VAV1: variants seen among roughly 807,000 people sequenced by gnomAD.
The protein encoded by VAV1 is vav guanine nucleotide exchange factor 1.
In VAV1, 33 loss-of-function variants were observed where a neutral mutation model predicts 128.1. The ratio of observed to expected loss-of-function variants is 0.26; its 90% CI spans 0.20 to 0.34. VAV1 has a LOEUF of 0.34. VAV1 is among the 10% of genes least tolerant of loss of function. The pLI, the probability that VAV1 is intolerant of heterozygous loss-of-function variation, is 1.00. For missense variants in VAV1, 715 were observed against 1,093.7 expected, an observed-to-expected ratio of 0.65 and a Z score of 4.88; for synonymous variants, 394 against 409.8, an observed-to-expected ratio of 0.96 and a Z score of 0.47.
chr19:6,814,644 C>G (rs1007845971), intron 1 of VAV1, among the ~76,000 whole-genome samples: 3 of 56,870 alleles, frequency 5.3e-5, no homozygotes, highest in African/African-American at 1.4e-4. Context: ...TCTCTCCTTC[C>G]TTCCTTCCTT....
chr19:6,785,037 C>T (rs6510921), intron 1 of VAV1, among the ~76,000 whole-genome samples: 10,536 of 152,252 alleles, frequency 0.069, 752 homozygotes, highest in African/African-American at 0.18. Context: ...CTCTCTGCAC[C>T]GCAGCCAAAT....
Position 6,826,526 on chromosome 19 carries a change from G to T in VAV1, c.828-86G>T. 1.0e-6 allele frequency: 1 copy of T among 979,672 alleles called. No homozygotes were observed. Among genetic ancestry groups the T allele is most frequent in the South Asian group, 1.4e-5 (1 of 72,688 alleles). 60.7% of individuals were successfully genotyped at this position (979,672 alleles called of 1,614,324 possible). On this transcript the variant is annotated intron_variant, in intron 8 of 26. Coordinates refer to ENST00000602142, the MANE Select transcript of VAV1 (RefSeq NM_005428.4). The surrounding 1 kb of genome is among the most constrained non-coding windows in gnomAD (Gnocchi z 4.1). ...GGGACTCAGGTTTCTTCTCCAGCGGGGAAGAGCAAGGCCAGGGCTGACGCC... is the reference window on the plus strand; with the variant it reads ...GGGACTCAGGTTTCTTCTCCAGCGGTGAAGAGCAAGGCCAGGGCTGACGCC...
At chr19:6,784,216 C>T (rs76873911) in intron 1 of VAV1, 24,665 of 652,886 alleles carry the variant, frequency 0.038, 1,135 homozygotes, top group African/African-American at 0.17. Flanking sequence ...ATTGTGCTAC[C>T]ACTGTACTCC....
intron 8 of VAV1, among the ~76,000 whole-genome samples, chr19:6,825,883 T>A (rs1290929262): frequency 1.3e-5 from 2 of 150,456 alleles, no homozygotes; most frequent in African/African-American, 4.9e-5. Context: ...ACAACTAAAA[T>A]ACAACTAAAA....
chr19:6,844,627 C>A (rs1324101952), intron 22 of VAV1, among the ~76,000 whole-genome samples: 3 of 151,920 alleles, frequency 2.0e-5, no homozygotes, highest in Non-Finnish European at 4.4e-5. Context: ...AAATTGAGGC[C>A]CAGAGAGGCA....
chr19:6,833,102 A>T (rs1972126351), intron 15 of VAV1, 82 bp from the exon 16 acceptor site: 1 of 1,280,132 alleles, frequency 7.8e-7, no homozygotes, highest in South Asian at 1.5e-5. Context: ...TGGTCTGTTC[A>T]TACCATGGAA....
intron 1 of VAV1, among the ~76,000 whole-genome samples, chr19:6,811,841 T>G (rs1030027999): frequency 6.6e-6 from 1 of 152,292 alleles, no homozygotes; most frequent in Middle Eastern, 3.4e-3. Flanking sequence ...AAAAATTGAT[T>G]TCTTGTACAC....
chr19:6,832,050 G>A, intron 14 of VAV1, 41 bp from the exon 15 acceptor site: 1 of 1,600,242 alleles, frequency 6.2e-7, no homozygotes, highest in Non-Finnish European at 8.6e-7. Context: ...CCCACCCTCT[G>A]CGGGGGCAGT....
chr19:6,803,684 C>T (rs973368040), intron 1 of VAV1, among the ~76,000 whole-genome samples: 16 of 152,164 alleles, frequency 1.1e-4, no homozygotes, highest in Non-Finnish European at 2.2e-4. Flanking sequence ...CCTGCCTCAG[C>T]CTCCTGAGTA....
At position 6,828,863 on chromosome 19, in the gene VAV1, A is replaced by T; in HGVS notation, c.1228A>T (p.Lys410Ter). 6.2e-7 allele frequency: 1 copy of T among 1,614,084 alleles called. No individual in the cohort carries two copies. The highest frequency in any genetic ancestry group is 2.2e-5 in the East Asian group (1 of 44,866). ...CCGGCCCAAGATCGACGGGGAACTC[A>T]AGATCACCTCGGTGGAACGGCGCTC... ...YGRPKIDGEL[K>*]ITSVERRSKM... is the part of the protein sequence containing the mutation. Residue 410 changes from lysine (K) to a stop codon, truncating the protein, a stop_gained, in exon 13 of 27, where the codon AAG (lysine) becomes TAG (stop). Transcript: ENST00000602142. LOFTEE classifies it high-confidence loss of function. The surrounding 1 kb of genome is among the most constrained non-coding windows in gnomAD (Gnocchi z 4.5).
Position 6,826,759 on chromosome 19 carries a change from C to G in VAV1, c.927+48C>G. The G allele has an allele frequency of 2.1e-6, 3 of 1,418,428 alleles. No individual in the cohort carries two copies. The highest frequency in any genetic ancestry group is 2.9e-6 in the Non-Finnish European group (3 of 1,039,122). 87.9% of individuals were successfully genotyped at this position (1,418,428 alleles called of 1,614,324 possible). A position where few individuals can be genotyped will look rare whatever the true frequency, so the allele number is the denominator to read the frequency against. On this transcript the variant is annotated intron_variant, in intron 9 of 26. Coordinates refer to ENST00000602142, the MANE Select transcript of VAV1 (RefSeq NM_005428.4). This position sits in a 1 kb window ranked among gnomAD's most constrained non-coding sequence, Gnocchi z 4.1. Reference sequence around the variant, plus strand: ...GGGGCCTCTCCCGCTCCTCCCCAGGCCCTGGGGGCAGCAGGGAGGACACTG... The same window carrying G: ...GGGGCCTCTCCCGCTCCTCCCCAGGGCCTGGGGGCAGCAGGGAGGACACTG...
rs1457031816 is a variant in VAV1 at position 6,820,963 on chromosome 19, A to T, written c.321+145A>T. On this transcript the variant is annotated intron_variant, in intron 2 of 26. Transcript: ENST00000602142. This position sits in a 1 kb window ranked among gnomAD's most constrained non-coding sequence, Gnocchi z 4.4. ...GACGCAAATAGCACTGGCTTGGGAT[A>T]TGTGGAACTGGGTTTGAGTTCCTGC... 1 of 760,792 alleles carries T rather than the reference A, an allele frequency of 1.3e-6. No individual in the cohort carries two copies. The highest frequency in any genetic ancestry group is 2.2e-6 in the Non-Finnish European group (1 of 447,520). 47.1% of individuals were successfully genotyped at this position (760,792 alleles called of 1,614,324 possible).
At chr19:6,845,552 A>G (rs1972500279) in intron 22 of VAV1, among the ~76,000 whole-genome samples, 2 of 151,574 alleles carry the variant, frequency 1.3e-5, no homozygotes. Flanking sequence ...GCAATTACAT[A>G]TGATTTATAA....
chr19:6,821,271 G>A (rs1360037802), intron 2 of VAV1, among the ~76,000 whole-genome samples: 4 of 151,894 alleles, frequency 2.6e-5, no homozygotes, highest in African/African-American at 4.8e-5. Flanking sequence ...TGTGGTGGCC[G>A]GCGCCTGTAG....
At chr19:6,807,193 C>A (rs1194202228) in intron 1 of VAV1, among the ~76,000 whole-genome samples, 1 of 152,030 alleles carries the variant, frequency 6.6e-6, no homozygotes, top group Non-Finnish European at 1.5e-5. Context: ...TTTATTGTTC[C>A]CTTTATTTCT....
At chr19:6,817,904 T>C (rs1275004840) in intron 1 of VAV1, among the ~76,000 whole-genome samples, 1 of 152,130 alleles carries the variant, frequency 6.6e-6, no homozygotes, top group Non-Finnish European at 1.5e-5. Flanking sequence ...GCCAGGATGG[T>C]CTCGATCTCC....
In VAV1 at chr19:6,802,382, C is replaced by T. The variant is rs562417313; in HGVS notation, c.205-18320C>T. ...AAAATAAAGGACCTCCTGTCCTTTG[C>T]CACTTTCTCACACTCTTCAGGCGAC... On this transcript the variant is annotated intron_variant, in intron 1 of 26. Transcript: ENST00000602142. 2.4e-3 allele frequency among the ~76,000 whole-genome samples: 359 copies of T among 152,138 alleles called. 1 individual carries two copies. The highest frequency in any genetic ancestry group is 8.2e-3 in the African/African-American group (340 of 41,496).
Position 6,817,956 on chromosome 19 carries a change from G to A in VAV1, c.205-2746G>A, listed in dbSNP as rs376350701. Among the ~76,000 whole-genome samples, 63 of 152,312 alleles carry A rather than the reference G, an allele frequency of 4.1e-4. 1 individual carries two copies. The highest frequency in any genetic ancestry group is 1.2e-3 in the African/African-American group (49 of 41,570). On this transcript the variant is annotated intron_variant, in intron 1 of 26. Coordinates refer to ENST00000602142, the MANE Select transcript of VAV1 (RefSeq NM_005428.4). The stretch of plus-strand genomic sequence containing the variant: ...CCGCCTCGGCCTCCCAAAGTGCTGG[G>A]ATTACAGGCATGAGCCACCACGCCC...
At chr19:6,784,938 A>G (rs1443431583) in intron 1 of VAV1, among the ~76,000 whole-genome samples, 2 of 152,118 alleles carry the variant, frequency 1.3e-5, no homozygotes, top group Non-Finnish European at 2.9e-5. Context: ...TTGGTGAAAA[A>G]GACAAAATCC....
Sources: allele counts gnomAD v4.1 joint callset (sites outside exome capture counted in the v4.1 genomes callset), GRCh38; gene constraint gnomAD v4.1.1; non-coding constraint Gnocchi (gnomAD v3.1); transcripts MANE v1.5; gene names NCBI Gene and HGNC (gene_info 2026-07-23, HGNC 2026-07-21).